The following NRG3 variants were observed in gnomAD, a reference collection of about 807,000 sequenced individuals.
NRG3 encodes pro-neuregulin-3, membrane-bound isoform.
A neutral mutation model predicts 66.9 loss-of-function variants in NRG3; 31 were observed. The observed-to-expected ratio is 0.46, with a 90% CI of 0.35 to 0.63. The LOEUF is 0.63. NRG3 is among the 20% of genes least tolerant of loss of function. The pLI is 0.00. For missense variants in NRG3, 910 were observed against 878.9 expected, an observed-to-expected ratio of 1.04 and a Z score of -0.45; for synonymous variants, 393 against 359.4, an observed-to-expected ratio of 1.09 and a Z score of -1.06.
intron 4 of NRG3, among the ~76,000 whole-genome samples, chr10:82,940,299 G>A (rs1848477674): frequency 6.6e-6 from 1 of 152,130 alleles, no homozygotes; most frequent in South Asian, 2.1e-4. Context: ...GGTTTCTTCT[G>A]AGGGCTGTGA....
At chr10:81,963,706 G>T (rs541910980) in intron 1 of NRG3, among the ~76,000 whole-genome samples, 79 of 152,276 alleles carry the variant, frequency 5.2e-4, no homozygotes, top group Non-Finnish European at 8.4e-4. Context: ...CTTTCATGAT[G>T]CAGTGCTAAG....
At position 82,920,547 on chromosome 10, in the gene NRG3, G is replaced by A. The variant is rs73311346; in HGVS notation, c.1055-30922G>A. Reference sequence around the variant, plus strand: ...TCAGTTGAGAGAGCCTAGAAGCAACGACACCCCAGTATCTATGAGCACACC... The same window carrying A: ...TCAGTTGAGAGAGCCTAGAAGCAACAACACCCCAGTATCTATGAGCACACC... On this transcript the variant is annotated intron_variant, in intron 4 of 8. Transcript: ENST00000372141. 1.4e-3 allele frequency among the ~76,000 whole-genome samples: 220 copies of A among 152,160 alleles called. 1 individual carries two copies. Among genetic ancestry groups the A allele is most frequent in the African/African-American group, 5.1e-3 (210 of 41,528 alleles).
At chr10:82,809,796 TTTTCCAGGTTTTTTTCAG>T (rs1202505681) in intron 3 of NRG3, among the ~76,000 whole-genome samples, 1 of 152,118 alleles carries the variant, frequency 6.6e-6, no homozygotes, top group Non-Finnish European at 1.5e-5. Flanking sequence ...TCCTAAGTAG[TTTTCCAGGTTTTTTTCAG>T]TGATTTACAC....
rs960014626 is a variant in NRG3 at position 82,780,391 on chromosome 10, A to G, written c.1027+41741A>G. On this transcript the variant is annotated intron_variant, in intron 3 of 8. Coordinates refer to ENST00000372141, the MANE Select transcript of NRG3 (RefSeq NM_001010848.4). ...ATCCTCTCCAGCATCTGTTGAGGAT[A>G]TTTGTATTTGCTTGTTGAAGAACTT... is the stretch of plus-strand genomic sequence containing the variant. 2.0e-5 allele frequency among the ~76,000 whole-genome samples: 3 copies of G among 149,432 alleles called. No homozygotes were observed. In the South Asian group the frequency reaches 6.4e-4, roughly 32 times the overall value.
At chr10:82,497,083 T>C (rs1034065036) in intron 2 of NRG3, among the ~76,000 whole-genome samples, 1 of 152,196 alleles carries the variant, frequency 6.6e-6, no homozygotes, top group Non-Finnish European at 1.5e-5. Context: ...CGTCAGGTTT[T>C]TCTTAACTCT....
At chr10:82,164,217 A>C (rs1379279148) in intron 1 of NRG3, among the ~76,000 whole-genome samples, 2 of 152,018 alleles carry the variant, frequency 1.3e-5, no homozygotes, top group African/African-American at 4.8e-5. Flanking sequence ...GCACCTGGCA[A>C]AATTTTTTAA....
chr10:81,892,683 G>T lies in NRG3; in HGVS notation c.823+16520G>T, dbSNP rs1194178410. Among the ~76,000 whole-genome samples the T allele has an allele frequency of 2.6e-5, 4 of 152,262 alleles. No individual in the cohort carries two copies. In the East Asian group the frequency reaches 5.8e-4, roughly 22 times the overall value. ...CAGAGACTGAGAAGGGTAGTGAGGG[G>T]TTACAGGAGAGGTAGGGATGGTTGA... is the stretch of plus-strand genomic sequence containing the variant. On this transcript the variant is annotated intron_variant, in intron 1 of 8. Transcript: ENST00000372141.
In NRG3 at chr10:82,924,489, T is replaced by A. The variant is rs147792132; in HGVS notation, c.1055-26980T>A. On this transcript the variant is annotated intron_variant, in intron 4 of 8. Transcript: ENST00000372141. Reference sequence around the variant, plus strand: ...ACCATAAGGCAGAAGAGGAAGCAAATCAGACACATTCCAATGATATTATCT... The same window carrying A: ...ACCATAAGGCAGAAGAGGAAGCAAAACAGACACATTCCAATGATATTATCT... Among the ~76,000 whole-genome samples the A allele has an allele frequency of 2.9e-3, 447 of 151,590 alleles. 1 individual carries two copies. The highest frequency in any genetic ancestry group is 0.01 in the African/African-American group (429 of 41,298).
chr10:82,348,297 T>G (rs2135471413), intron 1 of NRG3, among the ~76,000 whole-genome samples: 1 of 151,460 alleles, frequency 6.6e-6, no homozygotes, highest in South Asian at 2.1e-4. Context: ...TGCTTGTCTG[T>G]AAAGTATTTT....
chr10:82,746,601 G>A (rs2058656523), intron 3 of NRG3, among the ~76,000 whole-genome samples: 1 of 152,246 alleles, frequency 6.6e-6, no homozygotes, highest in East Asian at 1.9e-4. Context: ...TAGTTTCAAA[G>A]TCAGAGAGGG....
In NRG3 at chr10:82,907,065, T is replaced by A. The variant is rs573607713; in HGVS notation, c.1054+41628T>A. ...AACTGATTTGGGTTAGCAGTCCTAT[T>A]ATTCTCAGTTGCCCAGAGAATGAAG... On this transcript the variant is annotated intron_variant, in intron 4 of 8. Transcript: ENST00000372141. Among the ~76,000 whole-genome samples, 17 of 152,302 alleles carry A rather than the reference T, an allele frequency of 1.1e-4. No individual in the cohort carries two copies. In the East Asian group the frequency reaches 2.3e-3, roughly 21 times the overall value.
At position 82,967,086 on chromosome 10, in the gene NRG3, T is replaced by G. The variant is rs192424790; in HGVS notation, c.1285-6702T>G. 1.7e-4 allele frequency among the ~76,000 whole-genome samples: 26 copies of G among 151,280 alleles called. 2 individuals carry two copies. In the East Asian group the frequency reaches 5.0e-3, roughly 29 times the overall value. On this transcript the variant is annotated intron_variant, in intron 6 of 8. Coordinates refer to ENST00000372141, the MANE Select transcript of NRG3 (RefSeq NM_001010848.4). ...TGGAAGCTAGGTGTGTATGTTATTG[T>G]TGCTACAGGGATGTCTTTTCTTGGC...
At chr10:82,946,203 T>C (rs1478086732) in intron 4 of NRG3, among the ~76,000 whole-genome samples, 1 of 149,378 alleles carries the variant, frequency 6.7e-6, no homozygotes, top group Non-Finnish European at 1.5e-5. Flanking sequence ...GACATTTAAT[T>C]TGAGATTTAA....
At chr10:82,325,784 G>C (rs530196797) in intron 1 of NRG3, among the ~76,000 whole-genome samples, 1 of 152,012 alleles carries the variant, frequency 6.6e-6, no homozygotes, top group African/African-American at 2.4e-5. Flanking sequence ...ACTCTGCATA[G>C]TACACTTCAC....
At chr10:82,843,325 G>A in intron 3 of NRG3, 1 of 435,106 alleles carries the variant, frequency 2.3e-6, no homozygotes, top group Non-Finnish European at 4.6e-6. Flanking sequence ...AGCTCCCTTT[G>A]CTCTCTCTGA....
chr10:82,790,534 T>C (rs564348069), intron 3 of NRG3, among the ~76,000 whole-genome samples: 6 of 152,162 alleles, frequency 3.9e-5, no homozygotes, highest in Non-Finnish European at 7.4e-5. Flanking sequence ...AGTTTAATTA[T>C]GATGGGTCTA....
intron 3 of NRG3, among the ~76,000 whole-genome samples, chr10:82,808,687 C>T (rs1218300546): frequency 6.6e-6 from 1 of 152,138 alleles, no homozygotes; most frequent in Non-Finnish European, 1.5e-5. Flanking sequence ...ACCCATGCTT[C>T]ATGTTTTAAA....
intron 1 of NRG3, among the ~76,000 whole-genome samples, chr10:82,115,723 T>A (rs1156501473): frequency 1.3e-5 from 2 of 152,144 alleles, no homozygotes; most frequent in South Asian, 2.1e-4. Context: ...AAAGTGGATA[T>A]CAGGGGTTTG....
intron 3 of NRG3, among the ~76,000 whole-genome samples, chr10:82,864,628 A>T (rs1288858438): frequency 6.6e-6 from 1 of 152,220 alleles, no homozygotes; most frequent in Non-Finnish European, 1.5e-5. Context: ...GGAACATCTG[A>T]GGTTGAATAC....
Sources: gnomAD v4.1 joint callset for allele counts (sites outside exome capture counted in the v4.1 genomes callset) on GRCh38, gnomAD v4.1.1 for gene constraint, MANE v1.5 for transcripts, NCBI Gene and HGNC (gene_info 2026-07-23, HGNC 2026-07-21) for gene names.